Variants in LLGL2 observed in about 807,000 individuals in gnomAD.
LLGL2 encodes the protein LLGL scribble cell polarity complex component 2.
LLGL2 carries 81 observed loss-of-function variants against 123.2 expected under a neutral mutation model. The observed-to-expected ratio is 0.66, with a 90% CI of 0.55 to 0.79. The LOEUF (loss-of-function observed/expected upper bound fraction) is 0.79. LLGL2 is among the 30% of genes least tolerant of loss of function. The pLI is 0.00. For synonymous variants in LLGL2, 577 were observed against 594.1 expected, an observed-to-expected ratio of 0.97 and a Z score of 0.42; for missense variants, 1,273 against 1,414.6, an observed-to-expected ratio of 0.90 and a Z score of 1.61.
At chr17:75,529,494 T>C (rs891361654) in intron 1 of LLGL2, among the ~76,000 whole-genome samples, 2 of 151,778 alleles carry the variant, frequency 1.3e-5, no homozygotes, top group African/African-American at 4.8e-5. Context: ...CATGAGCCAC[T>C]GCACCCGGCC....
At chr17:75,539,720 G>A (rs1312355364) in intron 1 of LLGL2, among the ~76,000 whole-genome samples, 1 of 150,968 alleles carries the variant, frequency 6.6e-6, no homozygotes, top group Non-Finnish European at 1.5e-5. Flanking sequence ...TGATTCTCCT[G>A]CCTCAGCCTC....
chr17:75,573,743 C>G, intron 21 of LLGL2, 112 bp downstream of exon 21: 1 of 1,276,304 alleles, frequency 7.8e-7, no homozygotes, highest in Non-Finnish European at 1.1e-6. Flanking sequence ...ACGAGCTCAG[C>G]CCACCCTCCC....
At chr17:75,568,080 G>A in intron 10 of LLGL2, 1 of 1,110,718 alleles carries the variant, frequency 9.0e-7, no homozygotes, top group South Asian at 3.2e-5. Flanking sequence ...CAACTGGTGT[G>A]CTGAAGACCA....
chr17:75,528,001 C>T (rs2147053954), intron 1 of LLGL2, among the ~76,000 whole-genome samples: 1 of 152,084 alleles, frequency 6.6e-6, no homozygotes, highest in South Asian at 2.1e-4. Flanking sequence ...GTTGCCCAGG[C>T]TAGTCTTGAA....
At chr17:75,574,701 C>T in intron 25 of LLGL2, 33 bp downstream of exon 25, 1 of 1,606,610 alleles carries the variant, frequency 6.2e-7, no homozygotes, top group Non-Finnish European at 8.5e-7. Context: ...CAGCTGCCAA[C>T]CGTGCTGGGA....
intron 2 of LLGL2, among the ~76,000 whole-genome samples, chr17:75,553,394 T>TG (rs1306918439): frequency 6.6e-6 from 1 of 152,232 alleles, no homozygotes; most frequent in Non-Finnish European, 1.5e-5. Flanking sequence ...CCTCCCTGCC[T>TG]GACCCCAGCA....
Position 75,558,045 on chromosome 17 carries a change from C to G in LLGL2, c.174-110C>G. 1 of 1,044,990 alleles carries G rather than the reference C, an allele frequency of 9.6e-7. No homozygotes were observed. The highest frequency in any genetic ancestry group is 1.5e-6 in the Non-Finnish European group (1 of 667,770). The allele number at this position is 1,044,990 out of a possible 1,614,324, so 64.7% of individuals were successfully genotyped here. ...TGGGTCCTGCTGCCTCGGGGGAGGG[C>G]AGCCCCTCTCTGTGTTTGCATCATT... is the stretch of plus-strand genomic sequence containing the variant. On this transcript the variant is annotated intron_variant, in intron 3 of 25. Coordinates refer to ENST00000392550, the MANE Select transcript of LLGL2 (RefSeq NM_001031803.2). This position sits in a 1 kb window ranked among gnomAD's most constrained non-coding sequence, Gnocchi z 4.0.
intron 1 of LLGL2, among the ~76,000 whole-genome samples, chr17:75,538,191 G>A (rs2054077084): frequency 1.3e-5 from 2 of 152,206 alleles, no homozygotes; most frequent in African/African-American, 4.8e-5. Context: ...AATGGGGCCA[G>A]GGTGGGGCTG....
chr17:75,556,371 G>T (rs1332835224), intron 3 of LLGL2, among the ~76,000 whole-genome samples: 1 of 152,166 alleles, frequency 6.6e-6, no homozygotes, highest in African/African-American at 2.4e-5. Flanking sequence ...CCTGTCCTTT[G>T]CAGGAGGACA....
chr17:75,550,873 C>T (rs1313418929), intron 2 of LLGL2, among the ~76,000 whole-genome samples: 1 of 151,938 alleles, frequency 6.6e-6, no homozygotes, highest in African/African-American at 2.4e-5. Flanking sequence ...CGTTCTTTCC[C>T]TGACTGGTTT....
At chr17:75,528,661 C>T (rs1324038214) in intron 1 of LLGL2, among the ~76,000 whole-genome samples, 2 of 151,632 alleles carry the variant, frequency 1.3e-5, no homozygotes, top group African/African-American at 4.8e-5. Flanking sequence ...TCGCTTGAAC[C>T]TGGGAGGTGG....
At chr17:75,574,303 G>GGGC in intron 23 of LLGL2, 43 bp downstream of exon 23, 1 of 513,418 alleles carries the variant, frequency 1.9e-6, no homozygotes, top group Non-Finnish European at 3.5e-6. Flanking sequence ...GAGGGGTGGG[G>GGGC]AAGGGGGGTC....
rs112824868 is a variant in LLGL2 at position 75,564,879 on chromosome 17, A to T, written c.1036+372A>T. ...CTGTGTCTCAAAAAAAAAAAAAAAA[A>T]GGGCTCTGCACAGATGTTCCTAAGC... On this transcript the variant is annotated intron_variant, in intron 10 of 25. Transcript: ENST00000392550. This position sits in a 1 kb window ranked among gnomAD's most constrained non-coding sequence, Gnocchi z 4.9. Among the ~76,000 whole-genome samples, 1 of 148,340 alleles carries T rather than the reference A, an allele frequency of 6.7e-6. No individual in the cohort carries two copies. Among genetic ancestry groups the T allele is most frequent in the South Asian group, 2.1e-4 (1 of 4,736 alleles).
chr17:75,567,985 C>T, intron 10 of LLGL2: 2 of 773,100 alleles, frequency 2.6e-6, no homozygotes, highest in Non-Finnish European at 3.2e-6. Context: ...TTTAATCATC[C>T]AGCGCACATT....
chr17:75,558,171 G>A lies in LLGL2; in HGVS notation c.190G>A (p.Val64Met), dbSNP rs765539651. The A allele has an allele frequency of 1.6e-5, 26 of 1,613,768 alleles. No homozygotes were observed. Among genetic ancestry groups the A allele is most frequent in the Non-Finnish European group, 2.1e-5 (25 of 1,179,928 alleles). Residue 64 changes from valine (V) to methionine (M), a missense_variant, in exon 4 of 26, where the codon GTG (valine) becomes ATG (methionine). Physicochemically the swap from Val to Met is conservative, Grantham distance 21 (BLOSUM62 1). Coordinates refer to ENST00000392550, the MANE Select transcript of LLGL2 (RefSeq NM_001031803.2). The surrounding 1 kb of genome is among the most constrained non-coding windows in gnomAD (Gnocchi z 4.0). ...TACTCCTAGCTACGGAGCCCCAGGC[G>A]TGGAGTTCATGGGGCTGCACCAGGA... ...GAIKLYGAPGVEFMGLHQENN... is the reference protein window; with the variant it reads ...GAIKLYGAPGMEFMGLHQENN...
chr17:75,571,968 C>G lies in LLGL2; in HGVS notation c.2364C>G (p.Pro788=). ...GILVLDGHSV[P]LPEPLEVAHD... is the part of the protein sequence containing the mutation. ...TGGTGCTCGACGGACACAGCGTACCCCTTCCCGAGCCCCTCGAAGTGGCCC... is the reference window on the plus strand; with the variant it reads ...TGGTGCTCGACGGACACAGCGTACCGCTTCCCGAGCCCCTCGAAGTGGCCC... Residue 788 remains proline (P), a synonymous_variant, in exon 19 of 26, where the codon CCC becomes CCG. Coordinates refer to ENST00000392550, the MANE Select transcript of LLGL2 (RefSeq NM_001031803.2). 6.2e-7 allele frequency: 1 copy of G among 1,612,956 alleles called. No homozygotes were observed. Among genetic ancestry groups the G allele is most frequent in the Non-Finnish European group, 8.5e-7 (1 of 1,180,012 alleles).
intron 21 of LLGL2, 21 bp downstream of exon 21, chr17:75,573,652 C>T (rs1012081680): frequency 7.1e-6 from 11 of 1,560,082 alleles, no homozygotes; most frequent in Non-Finnish European, 9.6e-6. Context: ...GGGCCAGAGG[C>T]CTCTCCCGCC....
intron 2 of LLGL2, among the ~76,000 whole-genome samples, chr17:75,551,871 G>A (rs1055320693): frequency 2.0e-5 from 3 of 152,246 alleles, no homozygotes; most frequent in South Asian, 4.1e-4. Context: ...GCTCACGCCT[G>A]TAATCCCAGA....
At chr17:75,537,071 C>T (rs1356649617) in intron 1 of LLGL2, among the ~76,000 whole-genome samples, 2 of 152,172 alleles carry the variant, frequency 1.3e-5, no homozygotes, top group Non-Finnish European at 2.9e-5. Flanking sequence ...GATCCACCCG[C>T]CTCGGCCTCC....
Sources: allele counts gnomAD v4.1 joint callset (sites outside exome capture counted in the v4.1 genomes callset), GRCh38; gene constraint gnomAD v4.1.1; non-coding constraint Gnocchi (gnomAD v3.1); transcripts MANE v1.5; gene names NCBI Gene and HGNC (gene_info 2026-07-23, HGNC 2026-07-21).